Variants in COL24A1 observed in about 807,000 individuals in gnomAD.
COL24A1 encodes the protein collagen alpha-1(XXIV) chain.
Under a neutral mutation model 253.9 loss-of-function variants are expected in COL24A1, and 224 were observed. The observed-to-expected ratio is 0.88, with a 90% CI of 0.79 to 0.99. The LOEUF (loss-of-function observed/expected upper bound fraction) is 0.99. Ranked by LOEUF, COL24A1 falls within the 50% of genes least tolerant of loss-of-function variation. The pLI is 0.00. For missense variants in COL24A1, 2,131 were observed against 2,068.5 expected (o/e 1.03, Z -0.59); for synonymous variants, 685 against 673.7 (o/e 1.02, Z -0.26).
At chr1:85,984,105 AG>A (rs1251446108) in intron 20 of COL24A1, among the ~76,000 whole-genome samples, 1 of 151,892 alleles carries the variant, frequency 6.6e-6, no homozygotes, top group African/African-American at 2.4e-5. Context: ...AGAATTAGTG[AG>A]AAGAAAGTTC....
chr1:86,000,721 G>A (rs982632311), intron 19 of COL24A1, among the ~76,000 whole-genome samples: 4 of 152,132 alleles, frequency 2.6e-5, no homozygotes, highest in African/African-American at 9.7e-5. Context: ...GGAAAAAGAG[G>A]ACCCACTGTT....
At chr1:85,997,829 G>T (rs1162847856) in intron 19 of COL24A1, among the ~76,000 whole-genome samples, 1 of 151,698 alleles carries the variant, frequency 6.6e-6, no homozygotes, top group African/African-American at 2.4e-5. Flanking sequence ...AAGAACTTTT[G>T]CTAGAGATAT....
At chr1:86,103,201 C>A (rs986701852) in intron 5 of COL24A1, among the ~76,000 whole-genome samples, 6 of 152,012 alleles carry the variant, frequency 3.9e-5, no homozygotes, top group African/African-American at 1.4e-4. Flanking sequence ...GGGATTGCAA[C>A]CCATGCTTTT....
chr1:86,000,112 T>C (rs56278817), intron 19 of COL24A1, among the ~76,000 whole-genome samples: 74,380 of 151,964 alleles, frequency 0.49, 18,660 homozygotes, highest in East Asian at 0.62. Context: ...AATGCCCTCC[T>C]CTTTTCCTGC....
intron 7 of COL24A1, among the ~76,000 whole-genome samples, chr1:86,085,275 C>T (rs1641413104): frequency 6.6e-6 from 1 of 152,038 alleles, no homozygotes; most frequent in African/African-American, 2.4e-5. Flanking sequence ...ACCTCCTATG[C>T]AATGAAAAGA....
intron 2 of COL24A1, among the ~76,000 whole-genome samples, chr1:86,135,433 CT>C (rs1215538544): frequency 2.6e-5 from 4 of 151,852 alleles, no homozygotes; most frequent in African/African-American, 7.3e-5. Flanking sequence ...TTACGATTTT[CT>C]TCTTTAAAAA....
chr1:85,985,591 G>A (rs1571479204), intron 20 of COL24A1, among the ~76,000 whole-genome samples: 2 of 151,864 alleles, frequency 1.3e-5, no homozygotes, highest in South Asian at 4.1e-4. Flanking sequence ...GAGGCAGGAA[G>A]AACAACTACT....
intron 31 of COL24A1, among the ~76,000 whole-genome samples, chr1:85,891,359 C>T (rs539278905): frequency 3.5e-4 from 53 of 152,108 alleles, no homozygotes; most frequent in African/African-American, 1.1e-3. Context: ...CCTCTGCGCC[C>T]GGCCGTAAGT....
intron 32 of COL24A1, among the ~76,000 whole-genome samples, chr1:85,879,624 T>C (rs1027514654): frequency 5.9e-5 from 9 of 152,314 alleles, no homozygotes; most frequent in African/African-American, 1.9e-4. Context: ...ACTAATAACA[T>C]AAGCAGCTGT....
chr1:86,151,554 A>G (rs922655559), intron 1 of COL24A1, among the ~76,000 whole-genome samples: 4 of 152,194 alleles, frequency 2.6e-5, no homozygotes, highest in Non-Finnish European at 5.9e-5. Flanking sequence ...CAGTCCAAAC[A>G]TAACCAGACA....
chr1:86,133,252 C>T (rs376654364), intron 2 of COL24A1, among the ~76,000 whole-genome samples: 6 of 152,010 alleles, frequency 3.9e-5, no homozygotes, highest in East Asian at 1.9e-4. Flanking sequence ...AGATTTGGGG[C>T]TGAGACGATG....
At chr1:85,743,586 C>T (rs950198536) in intron 57 of COL24A1, among the ~76,000 whole-genome samples, 1 of 152,122 alleles carries the variant, frequency 6.6e-6, no homozygotes, top group South Asian at 2.1e-4. Context: ...GCACAATCCA[C>T]ACCATTTAGC....
intron 43 of COL24A1, among the ~76,000 whole-genome samples, chr1:85,832,426 T>C (rs138406436): frequency 0.019 from 2,873 of 151,982 alleles, 56 homozygotes; most frequent in Middle Eastern, 0.027. Flanking sequence ...TTTGGTTCCA[T>C]ATGAACTTTA....
At chr1:85,808,477 T>C (rs1256382023) in intron 47 of COL24A1, among the ~76,000 whole-genome samples, 1 of 152,220 alleles carries the variant, frequency 6.6e-6, no homozygotes, top group Non-Finnish European at 1.5e-5. Context: ...TAAAGATAAT[T>C]GGAAGCAGTT....
chr1:85,814,992 A>C (rs1672916228), intron 47 of COL24A1, among the ~76,000 whole-genome samples: 1 of 152,290 alleles, frequency 6.6e-6, no homozygotes, highest in East Asian at 1.9e-4. Context: ...TTATTAAATA[A>C]ATTCATTTGC....
chr1:85,917,501 T>C (rs1686009660), intron 24 of COL24A1, among the ~76,000 whole-genome samples: 1 of 152,122 alleles, frequency 6.6e-6, no homozygotes, highest in African/African-American at 2.4e-5. Flanking sequence ...CAGGAATTTT[T>C]ATATATTTGA....
chr1:85,786,338 CA>C lies in COL24A1; in HGVS notation c.4059+15del. On this transcript the variant is annotated intron_variant, in intron 48 of 59. Coordinates refer to ENST00000370571, the MANE Select transcript of COL24A1 (RefSeq NM_152890.7). ...GGCCAATACTGCTTACCCATTGGAA[CA>C]AAATATTAAAGTACCTTTGGGCCTT... The C allele has an allele frequency of 1.9e-6, 3 of 1,611,346 alleles. No homozygotes were observed. The highest frequency in any genetic ancestry group is 2.5e-6 in the Non-Finnish European group (3 of 1,177,932).
intron 37 of COL24A1, among the ~76,000 whole-genome samples, chr1:85,860,472 T>G (rs1486703623): frequency 6.6e-6 from 1 of 152,218 alleles, no homozygotes; most frequent in Non-Finnish European, 1.5e-5. Flanking sequence ...CCAGGCACAG[T>G]GGCTCACGCC....
chr1:85,832,949 A>T (rs1675510951), intron 43 of COL24A1, among the ~76,000 whole-genome samples: 2 of 151,496 alleles, frequency 1.3e-5, no homozygotes, highest in South Asian at 2.1e-4. Flanking sequence ...CCTGGCCAGA[A>T]CTTCCAACAC....
Sources: gnomAD v4.1 joint callset for allele counts (sites outside exome capture counted in the v4.1 genomes callset) on GRCh38, gnomAD v4.1.1 for gene constraint, MANE v1.5 for transcripts, NCBI Gene and HGNC (gene_info 2026-07-23, HGNC 2026-07-21) for gene names.